The following CPT1C variants were observed in gnomAD, a reference collection of about 807,000 sequenced individuals.
CPT1C encodes palmitoyl thioesterase CPT1C.
A neutral mutation model predicts 97.3 loss-of-function variants in CPT1C; 61 were observed. That is an observed-to-expected ratio of 0.63 (90% CI 0.51 to 0.78). CPT1C has a LOEUF of 0.78. Ranked by LOEUF, CPT1C falls within the 30% of genes least tolerant of loss-of-function variation. CPT1C has a pLI of 0.00. For missense variants in CPT1C, 975 were observed against 1,065.5 expected (o/e 0.92, Z 1.18); for synonymous variants, 469 against 447.2 (o/e 1.05, Z -0.61).
chr19:49,701,992 A>AT (rs2083130985), intron 7 of CPT1C, among the ~76,000 whole-genome samples: 5 of 37,922 alleles, frequency 1.3e-4, no homozygotes, highest in South Asian at 1.8e-3. Context: ...ATATATAAAT[A>AT]TTATAAATAT....
chr19:49,698,331 T>C (rs1375104511), intron 4 of CPT1C, among the ~76,000 whole-genome samples: 2 of 151,510 alleles, frequency 1.3e-5, no homozygotes, highest in Non-Finnish European at 2.9e-5. Context: ...TGCCACTGCA[T>C]TGCAGCCTGG....
At position 49,705,293 on chromosome 19, in the gene CPT1C, A is replaced by C. The variant is rs777169912; in HGVS notation, c.959A>C (p.Gln320Pro). The C allele has an allele frequency of 1.6e-5, 26 of 1,595,042 alleles. No homozygotes were observed. Among genetic ancestry groups the C allele is most frequent in the Non-Finnish European group, 2.0e-5 (23 of 1,166,296 alleles). Residue 320 changes from glutamine (Q) to proline (P), a missense_variant, in exon 10 of 20, where the codon CAA becomes CCA. Gln to Pro is a moderately conservative substitution (Grantham distance 76). Coordinates refer to ENST00000598293, the MANE Select transcript of CPT1C (RefSeq NM_001199753.2). ...AACACCACGCGGATTCCAGGGGTCC[A>C]AAAAGGTGAGACCCTCTCCTGTCCC... ...IFNTTRIPGV[Q>P]KDYIRHLHDS...
In CPT1C at chr19:49,703,390, T is replaced by C. The variant is rs567938257; in HGVS notation, c.694-1320T>C. On this transcript the variant is annotated intron_variant, in intron 7 of 19. Coordinates refer to ENST00000598293, the MANE Select transcript of CPT1C (RefSeq NM_001199753.2). ...TGTATTTTTGTATTTTTAGTAGAGA[T>C]GGGGTTTCACCGTGTTAGCCAGGAT... Among the ~76,000 whole-genome samples the C allele has an allele frequency of 3.3e-3, 499 of 150,048 alleles. 1 individual carries two copies. The highest frequency in any genetic ancestry group is 5.3e-3 in the Admixed American group (80 of 14,978).
chr19:49,712,559 G>A (rs2083966336), intron 17 of CPT1C, 177 bp from the exon 18 acceptor site: 2 of 602,314 alleles, frequency 3.3e-6, no homozygotes, highest in Non-Finnish European at 6.0e-6. Flanking sequence ...GGTGTGGGTG[G>A]TGAGACGAGT....
chr19:49,707,917 C>A (rs963327376), intron 13 of CPT1C, among the ~76,000 whole-genome samples: 1 of 146,742 alleles, frequency 6.8e-6, no homozygotes, highest in Admixed American at 7.0e-5. Flanking sequence ...GCATGAGAAT[C>A]GCATGAACCC....
At chr19:49,695,098 G>A (rs1314638680) in intron 3 of CPT1C, among the ~76,000 whole-genome samples, 1 of 151,694 alleles carries the variant, frequency 6.6e-6, no homozygotes, top group Non-Finnish European at 1.5e-5. Context: ...CCGAGATCGT[G>A]CCACTGCACT....
At chr19:49,712,078 C>A (rs1241345229) in intron 17 of CPT1C, 117 bp downstream of exon 17, 2 of 1,278,334 alleles carry the variant, frequency 1.6e-6, no homozygotes, top group African/African-American at 1.5e-5. Flanking sequence ...CACGGTGGCT[C>A]ACGCCTGTAA....
intron 7 of CPT1C, among the ~76,000 whole-genome samples, chr19:49,704,461 G>A (rs144596326): frequency 3.4e-3 from 515 of 152,282 alleles, no homozygotes; most frequent in Non-Finnish European, 6.0e-3. Context: ...GGGAGCCACC[G>A]TGCCCAGCTG....
chr19:49,701,535 C>G lies in CPT1C; in HGVS notation c.594C>G (p.Asp198Glu). The change falls in exon 7 of 20, where the codon GAC becomes GAG. Residue 198 changes from aspartate to glutamate, a missense_variant. Asp to Glu is a conservative substitution (Grantham distance 45). Around this residue, in one of 3 missense-constraint regions of CPT1C, gnomAD observed 596 missense variants for 603.1 expected, o/e 0.99. Transcript: ENST00000598293. ...TCCGGCCCATCCTCTCCGACGAGGACTTCGACTGGACCGCGGTCCTGGCGC... is the reference window on the plus strand; with the variant it reads ...TCCGGCCCATCCTCTCCGACGAGGAGTTCGACTGGACCGCGGTCCTGGCGC... ...ESVRPILSDE[D>E]FDWTAVLAQE... 6.2e-7 allele frequency: 1 copy of G among 1,612,450 alleles called. No individual in the cohort carries two copies.
In CPT1C at chr19:49,713,205, C is replaced by G. The variant is rs901777671; in HGVS notation, c.2226+141C>G. On this transcript the variant is annotated intron_variant, in intron 19 of 19. Coordinates refer to ENST00000598293, the MANE Select transcript of CPT1C (RefSeq NM_001199753.2). ...GACCCAGGAGTCCAGGCCCCCAGCC[C>G]CTCCTCCCTCAGACCCGGGAGTCCA... 1.3e-5 allele frequency: 10 copies of G among 799,994 alleles called. No homozygotes were observed. The African/African-American group carries it at 1.6e-4, about 12-fold the overall frequency. 49.6% of individuals were successfully genotyped at this position (799,994 alleles called of 1,614,324 possible). A position where few individuals can be genotyped will look rare whatever the true frequency, so the allele number is the denominator to read the frequency against.
In CPT1C at chr19:49,712,981, C is replaced by T. The variant is rs781529603; in HGVS notation, c.2143C>T (p.His715Tyr). The T allele has an allele frequency of 1.2e-6, 2 of 1,613,844 alleles. No homozygotes were observed. The highest frequency in any genetic ancestry group is 8.5e-7 in the Non-Finnish European group (1 of 1,179,800). Residue 715 changes from histidine to tyrosine, a missense_variant, in exon 19 of 20, where the codon CAT becomes TAT. Around this residue, in one of 3 missense-constraint regions of CPT1C, gnomAD observed 344 missense variants for 395.7 expected, o/e 0.87. Coordinates refer to ENST00000598293, the MANE Select transcript of CPT1C (RefSeq NM_001199753.2). ...SGGGFGPADDHGYGVSYIFMG... is the reference protein window; with the variant it reads ...SGGGFGPADDYGYGVSYIFMG... ...CTCTTTCCGTCTCCAGGCTGATGAC[C>T]ATGGTTATGGTGTTTCTTATATCTT...
chr19:49,694,186 CAG>C (rs1353282575), intron 3 of CPT1C, among the ~76,000 whole-genome samples: 1 of 152,002 alleles, frequency 6.6e-6, no homozygotes, highest in Admixed American at 6.6e-5. Context: ...GGCAATAAAA[CAG>C]ATGAGCAAAA....
At chr19:49,691,061 G>A (rs1173206688), upstream of CPT1C, 3 of 152,200 alleles carry the variant, frequency 2.0e-5, no homozygotes, top group East Asian at 1.9e-4. Flanking sequence ...TGGCTCGAAG[G>A]GGGCGGGGAT....
At chr19:49,700,535 G>T in intron 4 of CPT1C, 149 bp from the exon 5 acceptor site, 1 of 761,622 alleles carries the variant, frequency 1.3e-6, no homozygotes, top group Non-Finnish European at 2.2e-6. Flanking sequence ...GGCTGGAGGG[G>T]GTGACAGAGC....
In CPT1C at chr19:49,705,128, A is replaced by G; in HGVS notation, c.879+14A>G. ...GAGATACCCCCGGTGAGAGGGCCCC[A>G]GTGGGTTAGGGATGGAGGTGTGGTC... is the stretch of plus-strand genomic sequence containing the variant. On this transcript the variant is annotated intron_variant, in intron 9 of 19. Transcript: ENST00000598293. The G allele has an allele frequency of 6.2e-7, 1 of 1,613,696 alleles. No individual in the cohort carries two copies.
chr19:49,705,994 C>T lies in CPT1C; in HGVS notation c.1050C>T (p.Asn350=), dbSNP rs2083476468. ...TCCGCATGGGGACCCACTCCCGAAA[C>T]AGCCTGCTTTCCCCGAGAGCCCTGG... ...RFFRMGTHSR[N]SLLSPRALEQ... Residue 350 remains asparagine, a synonymous_variant, in exon 11 of 20, where the codon AAC becomes AAT. Coordinates refer to ENST00000598293, the MANE Select transcript of CPT1C (RefSeq NM_001199753.2). The T allele has an allele frequency of 1.2e-6, 2 of 1,614,074 alleles. No individual in the cohort carries two copies. Among genetic ancestry groups the T allele is most frequent in the South Asian group, 2.2e-5 (2 of 91,076 alleles).
chr19:49,712,640 G>A lies in CPT1C; in HGVS notation c.2020-96G>A, dbSNP rs984296842. On this transcript the variant is annotated intron_variant, in intron 17 of 19. Transcript: ENST00000598293. The stretch of plus-strand genomic sequence containing the variant: ...AGGGAGAAGGAGGCCCGGATTTACG[G>A]GTAAAAAAAAAGCCAGGGATGCAGG... 78 of 900,814 alleles carry A rather than the reference G, an allele frequency of 8.7e-5. No individual in the cohort carries two copies. The African/African-American group carries it at 1.2e-3, about 14-fold the overall frequency. 55.8% of individuals were successfully genotyped at this position (900,814 alleles called of 1,614,324 possible). A position where few individuals can be genotyped will look rare whatever the true frequency, so the allele number is the denominator to read the frequency against.
Position 49,701,518 on chromosome 19 carries a change from A to T in CPT1C, c.577A>T (p.Ile193Phe). The change falls in exon 7 of 20, where the codon ATC (isoleucine) becomes TTC (phenylalanine). Residue 193 changes from isoleucine (I) to phenylalanine (F), a missense_variant. Ile to Phe is a conservative substitution (Grantham distance 21, BLOSUM62 0). Transcript: ENST00000598293. ...VRKYLESVRP[I>F]LSDEDFDWTA... is the part of the protein sequence containing the mutation. ...TTAGTACCTGGAGTCGGTCCGGCCC[A>T]TCCTCTCCGACGAGGACTTCGACTG... 1 of 1,610,806 alleles carries T rather than the reference A, an allele frequency of 6.2e-7. No homozygotes were observed. Among genetic ancestry groups the T allele is most frequent in the South Asian group, 1.1e-5 (1 of 90,824 alleles).
chr19:49,692,296 C>T lies in CPT1C; in HGVS notation c.44C>T (p.Thr15Ile). Residue 15 changes from threonine (T) to isoleucine (I), a missense_variant, in exon 3 of 20, where the codon ACC becomes ATC. By Grantham distance (89) the Thr-to-Ile change is moderately conservative (BLOSUM62 -1). This residue lies in a region of CPT1C where 596 missense variants were observed against 603.1 expected (regional missense o/e 0.99). Coordinates refer to ENST00000598293, the MANE Select transcript of CPT1C (RefSeq NM_001199753.2). ...GCCGTGGGCTTCCGACCCTCGCTGA[C>T]CTCGGACGGGGCTGAAGTGGAACTC... is the stretch of plus-strand genomic sequence containing the variant. ...HQAVGFRPSL[T>I]SDGAEVELSA... The T allele has an allele frequency of 6.2e-7, 1 of 1,614,106 alleles. No homozygotes were observed. The highest frequency in any genetic ancestry group is 8.5e-7 in the Non-Finnish European group (1 of 1,180,008).
Sources: gnomAD v4.1 joint callset for allele counts (sites outside exome capture counted in the v4.1 genomes callset) on GRCh38, gnomAD v4.1.1 for gene constraint, gnomAD v4.1.1 regional missense constraint, MANE v1.5 for transcripts, NCBI Gene and HGNC (gene_info 2026-07-23, HGNC 2026-07-21) for gene names.